Variants in IFT88 observed in about 807,000 individuals in gnomAD.
IFT88 encodes the protein intraflagellar transport 88, also known as intraflagellar transport protein 88 homolog.
IFT88 carries 74 observed loss-of-function variants against 119.5 expected under a neutral mutation model. The observed-to-expected ratio is 0.62, with a 90% CI of 0.51 to 0.75. The LOEUF (loss-of-function observed/expected upper bound fraction) is 0.75, where lower values mean the gene tolerates loss of function less well. Ranked by LOEUF, IFT88 falls within the 30% of genes least tolerant of loss-of-function variation. The probability of loss-of-function intolerance (pLI) is 0.00; values close to 1 mark genes in which losing one functional copy is unlikely to be tolerated. For synonymous variants in IFT88, 279 were observed against 316.7 expected (o/e 0.88, Z 1.26); for missense variants, 961 against 977.7 (o/e 0.98, Z 0.23).
At chr13:20,632,774 T>C (rs567582173) in intron 16 of IFT88, among the ~76,000 whole-genome samples, 2 of 152,374 alleles carry the variant, frequency 1.3e-5, no homozygotes, top group East Asian at 3.9e-4. Context: ...AGCTTTGTGT[T>C]GTGCACAGTG....
intron 20 of IFT88, among the ~76,000 whole-genome samples, chr13:20,652,706 C>T (rs4769124): frequency 0.52 from 79,388 of 151,902 alleles, 22,462 homozygotes; most frequent in African/African-American, 0.72. Flanking sequence ...ATTATACTTA[C>T]CTTTATAGAG....
At chr13:20,621,192 A>G (rs995499505) in intron 14 of IFT88, among the ~76,000 whole-genome samples, 1 of 151,956 alleles carries the variant, frequency 6.6e-6, no homozygotes, top group Non-Finnish European at 1.5e-5. Context: ...TCAGCCTCCC[A>G]AGTATCTGGG....
intron 14 of IFT88, among the ~76,000 whole-genome samples, chr13:20,618,851 T>C: frequency 9.3e-6 from 1 of 107,160 alleles, no homozygotes; most frequent in Admixed American, 1.4e-4. Flanking sequence ...ATTAAATTAT[T>C]TTTTTTTCCC....
intron 20 of IFT88, 52 bp from the exon 21 acceptor site, chr13:20,653,823 GA>G: frequency 1.0e-6 from 1 of 977,866 alleles, no homozygotes; most frequent in Non-Finnish European, 1.5e-6. Flanking sequence ...TTATAAAACT[GA>G]GCATCACAGA....
intron 24 of IFT88, among the ~76,000 whole-genome samples, chr13:20,690,056 G>A (rs1463458887): frequency 6.6e-6 from 1 of 151,992 alleles, no homozygotes; most frequent in African/African-American, 2.4e-5. Context: ...TAAAATGTGG[G>A]GATTTTAAAG....
intron 14 of IFT88, among the ~76,000 whole-genome samples, chr13:20,620,499 C>T (rs571653513): frequency 2.0e-5 from 3 of 152,160 alleles, no homozygotes; most frequent in African/African-American, 4.8e-5. Context: ...GAAACCTAAC[C>T]CCCAAGGTGG....
intron 13 of IFT88, chr13:20,608,186 G>A (rs2043842197): frequency 3.4e-6 from 1 of 297,694 alleles, no homozygotes; most frequent in Non-Finnish European, 6.8e-6. Flanking sequence ...ACTGTTCTGC[G>A]ACGGCTTCCC....
rs141923780 is a variant in IFT88 at position 20,567,823 on chromosome 13, A to G, written c.-7+567A>G. ...CAAGATTCTTTCTAAGCCTAAAATT[A>G]CACTTTTACTAGTCCGATTTTCTGG... On this transcript the variant is annotated intron_variant, in intron 1 of 25. Coordinates refer to ENST00000351808, the MANE Select transcript of IFT88 (RefSeq NM_006531.5). 12 of 1,233,342 alleles carry G rather than the reference A, an allele frequency of 9.7e-6. No individual in the cohort carries two copies. The East Asian group carries it at 3.1e-4, about 32-fold the overall frequency. 76.4% of individuals were successfully genotyped at this position (1,233,342 alleles called of 1,614,324 possible). A position where few individuals can be genotyped will look rare whatever the true frequency, so the allele number is the denominator to read the frequency against.
chr13:20,685,413 AAACT>A (rs2057801734), intron 24 of IFT88, among the ~76,000 whole-genome samples: 1 of 152,228 alleles, frequency 6.6e-6, no homozygotes, highest in African/African-American at 2.4e-5. Context: ...CTACCAGCAC[AAACT>A]AACCTATAAA....
chr13:20,682,088 G>A (rs898724010), intron 24 of IFT88, among the ~76,000 whole-genome samples: 8 of 152,232 alleles, frequency 5.3e-5, no homozygotes, highest in African/African-American at 1.9e-4. Flanking sequence ...TGTTGTGTTA[G>A]TGTTTTTGTA....
intron 3 of IFT88, among the ~76,000 whole-genome samples, chr13:20,584,156 TAA>T (rs10661539): frequency 1.3e-4 from 19 of 149,406 alleles, no homozygotes; most frequent in Admixed American, 2.0e-4. Context: ...TCTATTTCTG[TAA>T]AAAAAAAAAA....
intron 17 of IFT88, among the ~76,000 whole-genome samples, chr13:20,640,557 A>G (rs1164454451): frequency 6.8e-6 from 1 of 147,746 alleles, no homozygotes; most frequent in African/African-American, 2.5e-5. Flanking sequence ...TGGGCGACAG[A>G]GCGACTCCGT....
intron 20 of IFT88, among the ~76,000 whole-genome samples, chr13:20,645,779 A>G (rs913355715): frequency 6.6e-6 from 1 of 152,224 alleles, no homozygotes; most frequent in African/African-American, 2.4e-5. Context: ...TTGAATTTTA[A>G]GAACAAATGC....
intron 22 of IFT88, among the ~76,000 whole-genome samples, chr13:20,657,665 C>T (rs1439434584): frequency 2.0e-5 from 3 of 152,112 alleles, no homozygotes; most frequent in African/African-American, 4.8e-5. Context: ...CAGTGGCTCA[C>T]GCCTGTAATC....
chr13:20,577,195 AT>A (rs1162523943), intron 2 of IFT88, among the ~76,000 whole-genome samples: 1 of 152,170 alleles, frequency 6.6e-6, no homozygotes, highest in Non-Finnish European at 1.5e-5. Flanking sequence ...AATGCTACTG[AT>A]TTTTGTAGGT....
chr13:20,681,396 C>T (rs1355507498), intron 24 of IFT88, among the ~76,000 whole-genome samples: 1 of 152,202 alleles, frequency 6.6e-6, no homozygotes, highest in Non-Finnish European at 1.5e-5. Flanking sequence ...GGTTCCGATC[C>T]TCGAGGATTA....
intron 20 of IFT88, among the ~76,000 whole-genome samples, chr13:20,649,629 A>C (rs2051288312): frequency 6.6e-6 from 1 of 152,144 alleles, no homozygotes; most frequent in African/African-American, 2.4e-5. Flanking sequence ...TAGCAGCAGG[A>C]AGGAAATAAT....
chr13:20,677,208 C>A (rs1447080905), intron 24 of IFT88, among the ~76,000 whole-genome samples: 1 of 152,194 alleles, frequency 6.6e-6, no homozygotes, highest in East Asian at 1.9e-4. Flanking sequence ...ATTGCCTATA[C>A]AGTAGCTATC....
intron 24 of IFT88, among the ~76,000 whole-genome samples, chr13:20,688,376 T>C (rs1214037998): frequency 6.6e-6 from 1 of 152,162 alleles, no homozygotes; most frequent in Non-Finnish European, 1.5e-5. Context: ...CTACAGATGA[T>C]GGATTTTCAC....
Sources: allele counts gnomAD v4.1 joint callset (sites outside exome capture counted in the v4.1 genomes callset), GRCh38; gene constraint gnomAD v4.1.1; transcripts MANE v1.5; gene names NCBI Gene and HGNC (gene_info 2026-07-23, HGNC 2026-07-21).